HIVEP3: variants seen among roughly 807,000 people sequenced by gnomAD.
HIVEP3 encodes transcription factor HIVEP3.
Under a neutral mutation model 152.8 loss-of-function variants are expected in HIVEP3, and 49 were observed. The ratio of observed to expected loss-of-function variants is 0.32; its 90% CI spans 0.26 to 0.41. HIVEP3 has a LOEUF of 0.41. HIVEP3 is among the 10% of genes least tolerant of loss of function. The pLI, the probability that HIVEP3 is intolerant of heterozygous loss-of-function variation, is 1.00. For synonymous variants in HIVEP3, 1,269 were observed against 1,289.0 expected (o/e 0.98, Z 0.33); for missense variants, 2,790 against 3,103.3 (o/e 0.90, Z 2.40).
chr1:41,626,448 C>T (rs114792780), intron 3 of HIVEP3, among the ~76,000 whole-genome samples: 3,617 of 152,266 alleles, frequency 0.024, 156 homozygotes, highest in African/African-American at 0.083. Flanking sequence ...ACAGATTCTT[C>T]CAAGCAGCTG....
intron 1 of HIVEP3, among the ~76,000 whole-genome samples, chr1:41,934,206 G>A (rs1273847236): frequency 1.3e-5 from 2 of 152,094 alleles, no homozygotes; most frequent in Non-Finnish European, 2.9e-5. Flanking sequence ...ATGGAGAAAT[G>A]AGTCTAAGAA....
At chr1:41,836,851 A>G (rs573361505) in intron 1 of HIVEP3, among the ~76,000 whole-genome samples, 28 of 152,262 alleles carry the variant, frequency 1.8e-4, no homozygotes, top group South Asian at 1.5e-3. Context: ...TCTCCATCCC[A>G]TTGCCAAAAC....
At chr1:41,963,307 G>A (rs370795379) in intron 1 of HIVEP3, among the ~76,000 whole-genome samples, 10 of 152,252 alleles carry the variant, frequency 6.6e-5, no homozygotes, top group East Asian at 1.9e-4. Flanking sequence ...CACCGCGCCC[G>A]GCCAAAAGTT....
chr1:41,599,572 CA>C (rs1644716162), intron 3 of HIVEP3, among the ~76,000 whole-genome samples: 1 of 152,186 alleles, frequency 6.6e-6, no homozygotes, highest in African/African-American at 2.4e-5. Context: ...CTGAAAATGG[CA>C]AAAGTTAACT....
chr1:41,703,358 T>C (rs1277598792), intron 1 of HIVEP3, among the ~76,000 whole-genome samples: 1 of 152,184 alleles, frequency 6.6e-6, no homozygotes, highest in African/African-American at 2.4e-5. Context: ...CTAAATTCCA[T>C]AAGGGCAGAG....
intron 1 of HIVEP3, among the ~76,000 whole-genome samples, chr1:41,967,281 A>T (rs773095904): frequency 2.6e-5 from 4 of 152,238 alleles, no homozygotes; most frequent in Non-Finnish European, 5.9e-5. Flanking sequence ...TCTAAAATCT[A>T]TCACATAAAT....
intron 5 of HIVEP3, among the ~76,000 whole-genome samples, chr1:41,556,222 C>G (rs1643963767): frequency 6.6e-6 from 1 of 152,154 alleles, no homozygotes; most frequent in Non-Finnish European, 1.5e-5. Flanking sequence ...TTCACAGCGG[C>G]TGCACCATTT....
At chr1:41,918,946 TTTA>T (rs1280142513), upstream of HIVEP3, among the ~76,000 whole-genome samples, 1 of 152,180 alleles carries the variant, frequency 6.6e-6, no homozygotes, top group African/African-American at 2.4e-5. This position sits in a 1 kb window ranked among gnomAD's most constrained non-coding sequence, Gnocchi z 4.3. Flanking sequence ...GGTTTAACCT[TTTA>T]AAGACACAGT....
At chr1:41,887,398 C>T (rs1644364187) in intron 1 of HIVEP3, among the ~76,000 whole-genome samples, 1 of 152,102 alleles carries the variant, frequency 6.6e-6, no homozygotes, top group South Asian at 2.1e-4. Flanking sequence ...TTAAAGAGGT[C>T]CCCCAGTTGC....
chr1:41,622,913 C>T (rs770189655), intron 3 of HIVEP3, among the ~76,000 whole-genome samples: 1 of 152,218 alleles, frequency 6.6e-6, no homozygotes, highest in Admixed American at 6.5e-5. Context: ...GTGCCCTTTA[C>T]ACATATTCAT....
chr1:41,969,732 T>C (rs1645218927), intron 1 of HIVEP3, among the ~76,000 whole-genome samples: 1 of 152,204 alleles, frequency 6.6e-6, no homozygotes, highest in South Asian at 2.1e-4. Flanking sequence ...CTAAAGAGCT[T>C]CTGCACAGCA....
chr1:41,603,360 G>A (rs1239602331), intron 3 of HIVEP3, among the ~76,000 whole-genome samples: 2 of 151,450 alleles, frequency 1.3e-5, no homozygotes, highest in East Asian at 3.9e-4. Flanking sequence ...GAGCCACCGT[G>A]CCTGGCCTAT....
chr1:41,527,026 C>T (rs1482610805), intron 5 of HIVEP3, among the ~76,000 whole-genome samples: 5 of 86,364 alleles, frequency 5.8e-5, no homozygotes, highest in African/African-American at 2.4e-4. Context: ...CCCACACTCA[C>T]CCCCCACCCT....
chr1:41,674,199 A>G (rs1228637041), intron 2 of HIVEP3, among the ~76,000 whole-genome samples: 1 of 152,202 alleles, frequency 6.6e-6, no homozygotes, highest in Non-Finnish European at 1.5e-5. Flanking sequence ...CAGGTCTCCA[A>G]TGCCCAGTCC....
chr1:41,838,390 C>T (rs189821647), intron 1 of HIVEP3, among the ~76,000 whole-genome samples: 1 of 152,268 alleles, frequency 6.6e-6, no homozygotes, highest in African/African-American at 2.4e-5. Flanking sequence ...GTTCCCCCTT[C>T]CTATAACTGT....
chr1:41,808,264 C>T (rs1396919645), intron 1 of HIVEP3, among the ~76,000 whole-genome samples: 1 of 152,246 alleles, frequency 6.6e-6, no homozygotes, highest in Non-Finnish European at 1.5e-5. Flanking sequence ...CTCTCCTGAC[C>T]ACTCAGCTGG....
At chr1:41,727,492 G>A (rs992097297) in intron 1 of HIVEP3, among the ~76,000 whole-genome samples, 6 of 152,240 alleles carry the variant, frequency 3.9e-5, no homozygotes, top group Admixed American at 1.3e-4. Context: ...ACTGCCAGAC[G>A]GAAATGAAAG....
chr1:41,781,401 G>A (rs1057064940), intron 1 of HIVEP3, among the ~76,000 whole-genome samples: 4 of 152,184 alleles, frequency 2.6e-5, no homozygotes, highest in African/African-American at 9.7e-5. Flanking sequence ...AATTGCTGCT[G>A]AAATGAAATA....
intron 3 of HIVEP3, among the ~76,000 whole-genome samples, chr1:41,592,952 CCT>C (rs1558098464): frequency 1.3e-5 from 2 of 152,234 alleles, no homozygotes; most frequent in East Asian, 3.9e-4. Flanking sequence ...ACCTGCTGAC[CCT>C]CTCTTGGGCT....
Sources: allele counts gnomAD v4.1 joint callset (sites outside exome capture counted in the v4.1 genomes callset), GRCh38; gene constraint gnomAD v4.1.1; non-coding constraint Gnocchi (gnomAD v3.1); transcripts MANE v1.5; gene names NCBI Gene and HGNC (gene_info 2026-07-23, HGNC 2026-07-21).